ZNF407: variants seen among roughly 807,000 people sequenced by gnomAD.
ZNF407 encodes zinc finger protein 407.
ZNF407 carries 17 observed loss-of-function variants against 131.2 expected under a neutral mutation model. The observed-to-expected ratio is 0.13, with a 90% CI of 0.09 to 0.19. The LOEUF (loss-of-function observed/expected upper bound fraction) is 0.19. ZNF407 is among the 10% of genes least tolerant of loss of function. The pLI is 1.00. For missense variants in ZNF407, 2,681 were observed against 2,830.6 expected (o/e 0.95, Z 1.20); for synonymous variants, 1,156 against 1,062.0 (o/e 1.09, Z -1.72).
intron 3 of ZNF407, among the ~76,000 whole-genome samples, chr18:74,645,122 A>ATAAT (rs149512280): frequency 0.22 from 33,933 of 151,738 alleles, 5,324 homozygotes; most frequent in African/African-American, 0.45. Context: ...TCATGTGTTG[A>ATAAT]TTATTGCATT....
intron 3 of ZNF407, among the ~76,000 whole-genome samples, chr18:74,688,287 A>C (rs1429861723): frequency 6.6e-6 from 1 of 152,232 alleles, no homozygotes; most frequent in Middle Eastern, 3.2e-3. Context: ...AGAATACACA[A>C]CAAATAAATT....
intron 1 of ZNF407, among the ~76,000 whole-genome samples, chr18:74,628,052 G>T (rs1014266739): frequency 1.3e-5 from 2 of 151,788 alleles, no homozygotes; most frequent in African/African-American, 4.8e-5. Flanking sequence ...CAAACTAGAG[G>T]TTTCTAAACT....
chr18:74,830,709 C>T (rs1970470512), intron 4 of ZNF407, among the ~76,000 whole-genome samples: 1 of 152,134 alleles, frequency 6.6e-6, no homozygotes, highest in Admixed American at 6.5e-5. Flanking sequence ...GTATGGTGAT[C>T]AGATCAGTGT....
chr18:74,935,950 A>AT (rs1972035132), intron 8 of ZNF407, among the ~76,000 whole-genome samples: 1 of 152,086 alleles, frequency 6.6e-6, no homozygotes, highest in Non-Finnish European at 1.5e-5. Context: ...CCTGTATGTA[A>AT]TTTTTTAAAA....
chr18:74,976,022 A>G (rs1479037195), intron 8 of ZNF407, among the ~76,000 whole-genome samples: 2 of 152,192 alleles, frequency 1.3e-5, no homozygotes, highest in African/African-American at 4.8e-5. Flanking sequence ...AATTTAAAAT[A>G]TTTCCCATGT....
At chr18:74,961,524 G>C (rs1366333059) in intron 8 of ZNF407, among the ~76,000 whole-genome samples, 1 of 152,088 alleles carries the variant, frequency 6.6e-6, no homozygotes, top group African/African-American at 2.4e-5. Flanking sequence ...TTTGAGACCA[G>C]CCTGGGCAAC....
At chr18:74,895,293 A>G (rs1040951645) in intron 7 of ZNF407, among the ~76,000 whole-genome samples, 1 of 151,658 alleles carries the variant, frequency 6.6e-6, no homozygotes, top group African/African-American at 2.4e-5. Flanking sequence ...ATGCTCAACT[A>G]GAAGTGTGCT....
chr18:74,899,891 G>A (rs1336167171), intron 7 of ZNF407, among the ~76,000 whole-genome samples: 1 of 152,204 alleles, frequency 6.6e-6, no homozygotes, highest in Non-Finnish European at 1.5e-5. Flanking sequence ...GAAATGATAA[G>A]CTTGCCTTTT....
intron 4 of ZNF407, among the ~76,000 whole-genome samples, chr18:74,856,299 C>T (rs1425560199): frequency 1.3e-5 from 2 of 152,170 alleles, no homozygotes; most frequent in Non-Finnish European, 2.9e-5. Flanking sequence ...TTTGTCACAA[C>T]GCATCATCTA....
At position 74,946,654 on chromosome 18, in the gene ZNF407, A is replaced by G. The variant is rs996457802; in HGVS notation, c.5428+25962A>G. ...TATTTGTCTTTCTTTTTTCTTTCTT[A>G]GATTGAAACTGAAAACTGACCATGA... is the stretch of plus-strand genomic sequence containing the variant. On this transcript the variant is annotated intron_variant, in intron 8 of 8. Coordinates refer to ENST00000299687, the MANE Select transcript of ZNF407 (RefSeq NM_017757.3). Among the ~76,000 whole-genome samples the G allele has an allele frequency of 2.6e-5, 4 of 152,130 alleles. No individual in the cohort carries two copies. In the South Asian group the frequency reaches 6.2e-4, roughly 24 times the overall value.
At chr18:74,927,384 A>T (rs1016865421) in intron 8 of ZNF407, among the ~76,000 whole-genome samples, 4 of 152,264 alleles carry the variant, frequency 2.6e-5, no homozygotes, top group African/African-American at 9.6e-5. Context: ...TAAGAGTTCA[A>T]ATAATCTAAA....
chr18:74,842,426 CTG>C (rs1970646593), intron 4 of ZNF407, among the ~76,000 whole-genome samples: 1 of 152,170 alleles, frequency 6.6e-6, no homozygotes, highest in South Asian at 2.1e-4. Context: ...ATTCCTACTA[CTG>C]TGTTTAAATC....
intron 7 of ZNF407, among the ~76,000 whole-genome samples, chr18:74,902,866 C>T (rs1344779006): frequency 5.3e-5 from 8 of 152,192 alleles, no homozygotes; most frequent in Admixed American, 5.2e-4. Flanking sequence ...ATTGGACTGA[C>T]AAGAGCTCCC....
At chr18:74,622,639 C>T (rs184409667) in intron 1 of ZNF407, among the ~76,000 whole-genome samples, 1 of 152,320 alleles carries the variant, frequency 6.6e-6, no homozygotes, top group East Asian at 1.9e-4. Flanking sequence ...ACACTGCCTG[C>T]ATGACGAATT....
At chr18:74,755,650 G>A (rs1016238884) in intron 3 of ZNF407, among the ~76,000 whole-genome samples, 4 of 136,328 alleles carry the variant, frequency 2.9e-5, no homozygotes, top group East Asian at 2.3e-4. Flanking sequence ...GTGCAGTGGC[G>A]CTATCTCAGC....
At chr18:74,855,189 A>T (rs528851717) in intron 4 of ZNF407, among the ~76,000 whole-genome samples, 1 of 152,298 alleles carries the variant, frequency 6.6e-6, no homozygotes, top group African/African-American at 2.4e-5. Context: ...CATCAGATCT[A>T]TTGGTTTTGC....
At chr18:75,011,568 T>C (rs1972974850) in intron 8 of ZNF407, among the ~76,000 whole-genome samples, 1 of 152,084 alleles carries the variant, frequency 6.6e-6, no homozygotes, top group South Asian at 2.1e-4. Flanking sequence ...TAAAAGTAAG[T>C]AGTAAGAAAA....
chr18:74,819,390 G>T (rs754093314), intron 4 of ZNF407, among the ~76,000 whole-genome samples: 1 of 152,162 alleles, frequency 6.6e-6, no homozygotes, highest in Non-Finnish European at 1.5e-5. Flanking sequence ...TATCCGGTGA[G>T]GGTGATAGGC....
chr18:74,710,875 T>C (rs183744899), intron 3 of ZNF407, among the ~76,000 whole-genome samples: 1 of 152,236 alleles, frequency 6.6e-6, no homozygotes. Context: ...GAATGGAGAA[T>C]GGAAAAACTG....
Sources: allele counts gnomAD v4.1 joint callset (sites outside exome capture counted in the v4.1 genomes callset), GRCh38; gene constraint gnomAD v4.1.1; transcripts MANE v1.5; gene names NCBI Gene and HGNC (gene_info 2026-07-23, HGNC 2026-07-21).